Variants in KYAT1 observed in about 807,000 individuals in gnomAD.
KYAT1 encodes kynurenine--oxoglutarate transaminase 1.
A neutral mutation model predicts 52.4 loss-of-function variants in KYAT1; 47 were observed. That is an observed-to-expected ratio of 0.90 (90% CI 0.71 to 1.14). The LOEUF is 1.14. KYAT1 is among the 50% of genes most tolerant of loss of function. The pLI, the probability that KYAT1 is intolerant of heterozygous loss-of-function variation, is 0.00. For synonymous variants in KYAT1, 212 were observed against 209.6 expected (o/e 1.01, Z -0.10); for missense variants, 480 against 557.9 (o/e 0.86, Z 1.41).
chr9:128,858,938 T>A (rs1227292626), intron 1 of KYAT1, among the ~76,000 whole-genome samples: 3 of 131,988 alleles, frequency 2.3e-5, no homozygotes. Context: ...GAGGCTAAAG[T>A]GAGCTGAGAT....
At chr9:128,852,174 T>C (rs1353912533) in intron 1 of KYAT1, among the ~76,000 whole-genome samples, 1 of 152,212 alleles carries the variant, frequency 6.6e-6, no homozygotes, top group East Asian at 1.9e-4. Context: ...CTCCTGTGTT[T>C]GTAATTCAGA....
Position 128,835,835 on chromosome 9 carries a change from T to C in KYAT1, c.799A>G (p.Lys267Glu). 6.2e-7 allele frequency: 1 copy of C among 1,614,056 alleles called. No individual in the cohort carries two copies. Among genetic ancestry groups the C allele is most frequent in the Non-Finnish European group, 8.5e-7 (1 of 1,179,966 alleles). The stretch of plus-strand genomic sequence containing the variant: ...TTCTGGTGCACGGTCCGCAGGTGCT[T>C]CATGATGTGATCTGGACCCAGGACC... ...GWVLGPDHIM[K>E]HLRTVHQNSV... The change falls in exon 9 of 13, where the codon AAG (lysine) becomes GAG (glutamate). Residue 267 changes from lysine to glutamate, a missense_variant. Coordinates refer to ENST00000302586, the MANE Select transcript of KYAT1 (RefSeq NM_004059.5).
upstream of KYAT1, chr9:128,882,434 C>G (rs1839094093): frequency 6.0e-6 from 2 of 332,566 alleles, no homozygotes; most frequent in Admixed American, 9.7e-5. Flanking sequence ...CCCGGAGTCT[C>G]CGGGGCACCA....
Position 128,838,156 on chromosome 9 carries a change from C to T in KYAT1, c.352-19G>A. On this transcript the variant is annotated intron_variant, in intron 4 of 12. Transcript: ENST00000302586. ...TGATGACCTGATATAAGGGTCAAAT[C>T]AGCTGGAGTCAGCATGGCCCTGACC... 6.2e-7 allele frequency: 1 copy of T among 1,614,128 alleles called. No homozygotes were observed.
chr9:128,848,080 G>A (rs140046727), intron 1 of KYAT1, among the ~76,000 whole-genome samples: 1,882 of 152,238 alleles, frequency 0.012, 34 homozygotes, highest in African/African-American at 0.042. Context: ...AGCACTTTGG[G>A]AGGCCAAAGC....
At chr9:128,847,185 G>C (rs763138097) in intron 1 of KYAT1, among the ~76,000 whole-genome samples, 2 of 152,194 alleles carry the variant, frequency 1.3e-5, no homozygotes, top group African/African-American at 4.8e-5. Context: ...CCAGGTACTG[G>C]GTTCTGGGAT....
intron 1 of KYAT1, among the ~76,000 whole-genome samples, chr9:128,845,921 CAG>C (rs1833019858): frequency 6.6e-6 from 1 of 152,200 alleles, no homozygotes; most frequent in Admixed American, 6.5e-5. Flanking sequence ...AGGTGGAAAA[CAG>C]AGGCTGGAGG....
intron 3 of KYAT1, among the ~76,000 whole-genome samples, chr9:128,841,513 G>A (rs927411417): frequency 2.1e-4 from 31 of 151,170 alleles, no homozygotes; most frequent in African/African-American, 7.5e-4. Context: ...GGGCGACAGT[G>A]CGAGACTGTC....
rs757677436 is a variant in KYAT1, at chr9:128,836,049, C to T, written c.713G>A (p.Arg238Gln). 29 of 1,613,822 alleles carry T rather than the reference C, an allele frequency of 1.8e-5. No individual in the cohort carries two copies. Among genetic ancestry groups the T allele is most frequent in the East Asian group, 4.5e-5 (2 of 44,882 alleles). ...SIASLPGMWE[R>Q]TLTIGSAGKT... ...GCCGGCGCTGCCGATGGTCAGGGTC[C>T]GTTCCCACATGCCAGGGAGGCTGGC... is the stretch of plus-strand genomic sequence containing the variant. The change falls in exon 8 of 13, where the codon CGG (arginine) becomes CAG (glutamine). Residue 238 changes from arginine to glutamine, a missense_variant. Physicochemically the swap from Arg to Gln is conservative, Grantham distance 43 (BLOSUM62 1). Transcript: ENST00000302586.
At chr9:128,849,544 C>T (rs187879805) in intron 1 of KYAT1, among the ~76,000 whole-genome samples, 41 of 151,826 alleles carry the variant, frequency 2.7e-4, no homozygotes, top group Admixed American at 2.7e-3. Context: ...GCCTGTAATC[C>T]CAGCACTTTG....
chr9:128,836,111 G>A (rs1831044603), intron 7 of KYAT1, 38 bp from the exon 8 acceptor site: 2 of 1,601,746 alleles, frequency 1.2e-6, no homozygotes, highest in Non-Finnish European at 1.7e-6. Context: ...TGAGACTGGG[G>A]TGAGGGGGAC....
At position 128,833,820 on chromosome 9, in the gene KYAT1, C is replaced by G. The variant is rs758140817; in HGVS notation, c.1129G>C (p.Val377Leu). The G allele has an allele frequency of 2.5e-6, 4 of 1,613,892 alleles. No homozygotes were observed. The highest frequency in any genetic ancestry group is 3.4e-6 in the Non-Finnish European group (4 of 1,179,838). The change falls in exon 12 of 13, where the codon GTG (valine) becomes CTG (leucine). Residue 377 changes from valine (V) to leucine (L), a missense_variant. Val to Leu is a conservative substitution (Grantham distance 32). Transcript: ENST00000302586. ...VKWMIKNKGL[V>L]AIPVSIFYSV... The stretch of plus-strand genomic sequence containing the variant: ...TAGAAGATGGAGACAGGGATGGCCA[C>G]CAAGCCCTGGGGAGGAGGAAGGACA...
Position 128,842,769 on chromosome 9 carries a change from T to C in KYAT1, c.86A>G (p.Asp29Gly), listed in dbSNP as rs780965388. Reference sequence around the variant, plus strand: ...GAAGCCCTGGCCCAAGTTCACGACGTCATGCTCACTGGCCAGTTTCACAAA... The same window carrying C: ...GAAGCCCTGGCCCAAGTTCACGACGCCATGCTCACTGGCCAGTTTCACAAA... ...VEFVKLASEHDVVNLGQGFPD... is the reference protein window; with the variant it reads ...VEFVKLASEHGVVNLGQGFPD... Residue 29 changes from aspartate (D) to glycine (G), a missense_variant, in exon 3 of 13, where the codon GAC (aspartate) becomes GGC (glycine). Physicochemically the swap from Asp to Gly is moderately conservative, Grantham distance 94. Transcript: ENST00000302586. 2.5e-6 allele frequency: 4 copies of C among 1,614,110 alleles called. No individual in the cohort carries two copies. In the South Asian group the frequency reaches 4.4e-5, roughly 18 times the overall value.
At chr9:128,876,584 A>AT (rs1375615901) in intron 1 of KYAT1, among the ~76,000 whole-genome samples, 5 of 148,644 alleles carry the variant, frequency 3.4e-5, no homozygotes, top group South Asian at 2.1e-4. Flanking sequence ...CGCCCTGCTA[A>AT]TTTTTTTTGT....
intron 1 of KYAT1, among the ~76,000 whole-genome samples, chr9:128,872,698 C>T (rs986176293): frequency 1.1e-4 from 17 of 150,736 alleles, no homozygotes; most frequent in African/African-American, 3.7e-4. Context: ...ACTCGGGAGG[C>T]GGAGGTTGCA....
At chr9:128,847,286 G>A in intron 1 of KYAT1, 1 of 596,602 alleles carries the variant, frequency 1.7e-6, no homozygotes, top group Non-Finnish European at 2.9e-6. Context: ...GAGAAGCAGG[G>A]GCAAGGGAGA....
intron 11 of KYAT1, 35 bp from the exon 12 acceptor site, chr9:128,833,861 T>C: frequency 6.3e-7 from 1 of 1,583,914 alleles, no homozygotes; most frequent in African/African-American, 1.3e-5. Flanking sequence ...CAACACGGCC[T>C]CGTGGCCCAG....
In KYAT1 at chr9:128,833,232, C is replaced by G; in HGVS notation, c.*352G>C. ...CAGGGAAGGTGAGGTTATACCTGAGCCTTAGCAGGGGCCATGCAGAGCTGG... is the reference window on the plus strand; with the variant it reads ...CAGGGAAGGTGAGGTTATACCTGAGGCTTAGCAGGGGCCATGCAGAGCTGG... On this transcript the variant is annotated 3_prime_UTR_variant, in exon 13 of 13. Transcript: ENST00000302586. The G allele has an allele frequency of 5.2e-6, 2 of 385,100 alleles. No individual in the cohort carries two copies. The highest frequency in any genetic ancestry group is 1.0e-4 in the East Asian group (2 of 19,850). The allele number at this position is 385,100 out of a possible 1,614,324, so 23.9% of individuals were successfully genotyped here.
intron 1 of KYAT1, among the ~76,000 whole-genome samples, chr9:128,873,688 G>T (rs888499653): frequency 6.6e-6 from 1 of 151,966 alleles, no homozygotes; most frequent in Non-Finnish European, 1.5e-5. Context: ...GCTGAGGCAG[G>T]AGAATCGCTT....
Sources: allele counts gnomAD v4.1 joint callset (sites outside exome capture counted in the v4.1 genomes callset), GRCh38; gene constraint gnomAD v4.1.1; transcripts MANE v1.5; gene names NCBI Gene and HGNC (gene_info 2026-07-23, HGNC 2026-07-21).